Variants in SLC38A5 observed in about 807,000 individuals in gnomAD.
SLC38A5 encodes the protein solute carrier family 38 member 5.
Under a neutral mutation model 34.6 loss-of-function variants are expected in SLC38A5, and 9 were observed. The observed-to-expected ratio is 0.26, with a 90% CI of 0.16 to 0.45. The LOEUF (loss-of-function observed/expected upper bound fraction) is 0.45, where lower values mean the gene tolerates loss of function less well. SLC38A5 is among the 20% of genes least tolerant of loss of function. SLC38A5 has a pLI of 1.00. For missense variants in SLC38A5, 253 were observed against 394.7 expected (o/e 0.64, Z 3.04); for synonymous variants, 157 against 155.6 (o/e 1.01, Z -0.07).
At position 48,459,783 on chromosome X, in the gene SLC38A5, T is replaced by C. The variant is rs2061422263; in HGVS notation, c.1162A>G (p.Asn388Asp). Reference sequence around the variant, plus strand: ...GTTGGCACACAGATGACAAGGACATTGACCAAAACAAGCAGGATCAGAGCT... The same window carrying C: ...GTTGGCACACAGATGACAAGGACATCGACCAAAACAAGCAGGATCAGAGCT... ...AIALILLVLV[N>D]VLVICVPTIR... Residue 388 changes from asparagine to aspartate, a missense_variant, in exon 15 of 17, where the codon AAT (asparagine) becomes GAT (aspartate). Around this residue, in one of 3 missense-constraint regions of SLC38A5, gnomAD observed 176 missense variants for 273.0 expected, o/e 0.64. Coordinates refer to ENST00000620913, the MANE Select transcript of SLC38A5 (RefSeq NM_033518.4). 8.3e-7 allele frequency: 1 copy of C among 1,209,500 alleles called. No homozygotes were observed. The highest frequency in any genetic ancestry group is 1.8e-5 in the South Asian group (1 of 56,769).
intron 2 of SLC38A5, chrX:48,468,243 C>T: frequency 1.1e-6 from 1 of 952,180 alleles, no homozygotes; most frequent in Non-Finnish European, 1.3e-6. Context: ...AGCCGGACCC[C>T]AGCGCAGATG....
intron 8 of SLC38A5, among the ~76,000 whole-genome samples, chrX:48,463,859 GAA>G (rs1389174470): frequency 1.1e-3 from 65 of 58,482 alleles, no homozygotes; most frequent in African/African-American, 4.2e-3. Context: ...GAGAGAGAAA[GAA>G]AGAAAGAAAG....
chrX:48,460,107 C>T lies in SLC38A5; in HGVS notation c.1069-231G>A, dbSNP rs189617632. 1.3e-3 allele frequency among the ~76,000 whole-genome samples: 142 copies of T among 111,336 alleles called. 1 individual carries two copies. Among genetic ancestry groups the T allele is most frequent in the Non-Finnish European group, 3.2e-4 (17 of 52,930 alleles). ...CTCTTCCTTCTGTCTGAACACCCAT[C>T]GGCACCTGCACCCACTGTCTGAAAT... is the stretch of plus-strand genomic sequence containing the variant. On this transcript the variant is annotated intron_variant, in intron 14 of 16. Transcript: ENST00000620913.
chrX:48,465,022 G>A (rs1230884830), intron 8 of SLC38A5, among the ~76,000 whole-genome samples: 2 of 110,493 alleles, frequency 1.8e-5, no homozygotes, highest in Non-Finnish European at 3.8e-5. Flanking sequence ...TGGGACCAGA[G>A]GCAGAGTTAG....
At chrX:48,469,545 GGTTT>G (rs1474007989) in intron 1 of SLC38A5, 109 bp from the exon 2 acceptor site, 3 of 111,546 alleles carry the variant, frequency 2.7e-5, no homozygotes, top group Non-Finnish European at 3.8e-5. Flanking sequence ...GGGAGACAGC[GGTTT>G]GTTTGTGTGT....
At chrX:48,463,904 AAAGAAAG>A (rs1450577419) in intron 8 of SLC38A5, among the ~76,000 whole-genome samples, 5 of 108,537 alleles carry the variant, frequency 4.6e-5, no homozygotes, top group African/African-American at 1.7e-4. Flanking sequence ...AGAAAGAAAG[AAAGAAAG>A]AGAAAGAAAG....
rs143580047 is a variant in SLC38A5, at chrX:48,460,715, G to A, written c.1002C>T (p.Leu334=). 7.4e-6 allele frequency: 9 copies of A among 1,210,707 alleles called. No individual in the cohort carries two copies. The South Asian group carries it at 8.8e-5, about 12-fold the overall frequency. Residue 334 remains leucine (L), a synonymous_variant, in exon 14 of 17, where the codon CTC becomes CTT. Coordinates refer to ENST00000620913, the MANE Select transcript of SLC38A5 (RefSeq NM_033518.4). The part of the protein sequence containing the change: ...MLHMYSQKDP[L]ILCVRLAVLL... ...GCACGGCCAGGCGCACACAGAGGAT[G>A]AGCGGGTCCTTCTGGCTGTACATGT... is the stretch of plus-strand genomic sequence containing the variant.
chrX:48,460,943 A>G (rs781942409), intron 13 of SLC38A5, 43 bp downstream of exon 13: 1 of 1,094,069 alleles, frequency 9.1e-7, no homozygotes, highest in African/African-American at 1.8e-5. Flanking sequence ...CTCCTGCCCC[A>G]GGCCTTCCCC....
At chrX:48,463,407 A>G (rs1302598644) in intron 8 of SLC38A5, among the ~76,000 whole-genome samples, 1 of 110,673 alleles carries the variant, frequency 9.0e-6, no homozygotes, top group African/African-American at 3.3e-5. Flanking sequence ...GTTTGAGACC[A>G]GCCTGGCCAA....
Position 48,460,783 on chromosome X carries a change from G to A in SLC38A5, c.953-19C>T, listed in dbSNP as rs1556961683. The A allele has an allele frequency of 1.7e-6, 2 of 1,192,298 alleles. No individual in the cohort carries two copies. Among genetic ancestry groups the A allele is most frequent in the Admixed American group, 2.2e-5 (1 of 45,543 alleles). On this transcript the variant is annotated intron_variant, in intron 13 of 16. Coordinates refer to ENST00000620913, the MANE Select transcript of SLC38A5 (RefSeq NM_033518.4). The stretch of plus-strand genomic sequence containing the variant: ...ACACTGCCTGGGCCATGAGACAGAG[G>A]GTACGGGATGCAGGATGTGGAGAGA...
In SLC38A5 at chrX:48,460,986, T is replaced by G; in HGVS notation, c.952A>C (p.Ser318Arg). ...TATFGYLTFYSSVKAEMLHMY... is the reference protein window; with the variant it reads ...TATFGYLTFYRSVKAEMLHMY... ...CAGCCCTAGCCCCAGCCCCACTCAC[T>G]GTAGAAGGTGAGGTATCCAAAGGTT... The change falls in exon 13 of 17, where the codon AGC becomes CGC. Residue 318 changes from serine (S) to arginine (R), a missense_variant and splice_region_variant. By Grantham distance (110) the Ser-to-Arg change is moderately radical (BLOSUM62 -1). Transcript: ENST00000620913. 2 of 751,891 alleles carry G rather than the reference T, an allele frequency of 2.7e-6. No individual in the cohort carries two copies. Among genetic ancestry groups the G allele is most frequent in the Non-Finnish European group, 3.7e-6 (2 of 534,770 alleles). The allele number at this position is 751,891 out of a possible 1,213,427, so 62.0% of individuals were successfully genotyped here.
chrX:48,460,774 G>A lies in SLC38A5; in HGVS notation c.953-10C>T. 2.5e-6 allele frequency: 3 copies of A among 1,202,823 alleles called. No homozygotes were observed. The highest frequency in any genetic ancestry group is 3.4e-6 in the Non-Finnish European group (3 of 888,104). ...TCCGCCTTCACACTGCCTGGGCCAT[G>A]AGACAGAGGGTACGGGATGCAGGAT... On this transcript the variant is annotated splice_polypyrimidine_tract_variant and intron_variant, in intron 13 of 16. Coordinates refer to ENST00000620913, the MANE Select transcript of SLC38A5 (RefSeq NM_033518.4).
intron 4 of SLC38A5, 80 bp downstream of exon 4, chrX:48,467,630 G>C: frequency 1.0e-6 from 1 of 984,581 alleles, no homozygotes; most frequent in Non-Finnish European, 1.4e-6. Context: ...GGGAGGAGGA[G>C]GAGTGGGGAA....
chrX:48,467,492 G>C (rs903052358), intron 4 of SLC38A5: 1 of 437,759 alleles, frequency 2.3e-6, no homozygotes, highest in Admixed American at 4.0e-5. Context: ...GCCGAAGAGC[G>C]GGTGGGGAGA....
At chrX:48,462,610 C>CA (rs1285372371) in intron 9 of SLC38A5, among the ~76,000 whole-genome samples, 4 of 68,346 alleles carry the variant, frequency 5.9e-5, no homozygotes, top group Non-Finnish European at 1.1e-4. Context: ...GACTCGGTCT[C>CA]AAAAAAACAA....
chrX:48,460,693 C>T lies in SLC38A5; in HGVS notation c.1024G>A (p.Val342Met), dbSNP rs782383746. 3.3e-6 allele frequency: 4 copies of T among 1,211,923 alleles called. No individual in the cohort carries two copies. Among genetic ancestry groups the T allele is most frequent in the Non-Finnish European group, 4.5e-6 (4 of 895,600 alleles). ...ACAGTGAGGGTCACCGCGAGCAGCACGGCCAGGCGCACACAGAGGATGAGC... is the reference window on the plus strand; with the variant it reads ...ACAGTGAGGGTCACCGCGAGCAGCATGGCCAGGCGCACACAGAGGATGAGC... The part of the protein sequence containing the change: ...DPLILCVRLA[V>M]LLAVTLTVPV... The change falls in exon 14 of 17, where the codon GTG (valine) becomes ATG (methionine). Residue 342 changes from valine to methionine, a missense_variant. Physicochemically the swap from Val to Met is conservative, Grantham distance 21. Around this residue, in one of 3 missense-constraint regions of SLC38A5, gnomAD observed 176 missense variants for 273.0 expected, o/e 0.64. Transcript: ENST00000620913.
chrX:48,459,648 C>T lies in SLC38A5; in HGVS notation c.1214-9G>A, dbSNP rs2061421140. ...GGGGGCTGAGGTGGACCCTGGAGAA[C>T]AAGAAGAAGGGACAGGAGTCAACCT... On this transcript the variant is annotated splice_polypyrimidine_tract_variant and intron_variant, in intron 15 of 16. Transcript: ENST00000620913. The T allele has an allele frequency of 8.6e-7, 1 of 1,164,848 alleles. No individual in the cohort carries two copies. The highest frequency in any genetic ancestry group is 3.0e-5 in the East Asian group (1 of 33,131).
At position 48,462,857 on chromosome X, in the gene SLC38A5, C is replaced by G. The variant is rs367888701; in HGVS notation, c.574+41G>C. 8.8e-5 allele frequency: 95 copies of G among 1,078,070 alleles called. No individual in the cohort carries two copies. The South Asian group carries it at 1.1e-3, about 12-fold the overall frequency. The allele number at this position is 1,078,070 out of a possible 1,213,427, so 88.8% of individuals were successfully genotyped here. On this transcript the variant is annotated intron_variant, in intron 9 of 16. Transcript: ENST00000620913. ...GTTTTCTCAGTCTGGCTTCTTCTGT[C>G]TAATCCCACTACCCAATGGCCAACC...
rs782359305 is a variant in SLC38A5 at position 48,467,862 on chromosome X, CCT to C, written c.53+8_53+9del. 1.5e-5 allele frequency: 18 copies of C among 1,205,411 alleles called. No individual in the cohort carries two copies. The highest frequency in any genetic ancestry group is 1.9e-5 in the Non-Finnish European group (17 of 892,843). ...ATCCCTGAGCCCACCTCCTTGGACCCCTGACTCACCCCACAGCATCCGAAGGG... is the reference window on the plus strand; with the variant it reads ...ATCCCTGAGCCCACCTCCTTGGACCCGACTCACCCCACAGCATCCGAAGGG... On this transcript the variant is annotated splice_region_variant and intron_variant, in intron 3 of 16. Transcript: ENST00000620913.
Sources: allele counts gnomAD v4.1 joint callset (sites outside exome capture counted in the v4.1 genomes callset), GRCh38; gene constraint gnomAD v4.1.1; regional missense constraint gnomAD v4.1.1; transcripts MANE v1.5; gene names NCBI Gene and HGNC (gene_info 2026-07-23, HGNC 2026-07-21).